ANK2: variants seen among roughly 807,000 people sequenced by gnomAD.
ANK2 encodes the protein ankyrin-2.
ANK2 carries 83 observed loss-of-function variants against 360.5 expected under a neutral mutation model. The observed-to-expected ratio is 0.23, with a 90% CI of 0.19 to 0.28. ANK2 has a LOEUF of 0.28. Ranked by LOEUF, ANK2 falls within the 10% of genes least tolerant of loss-of-function variation. The probability of loss-of-function intolerance (pLI) is 1.00; values close to 1 mark genes in which losing one functional copy is unlikely to be tolerated. For synonymous variants in ANK2, 1,740 were observed against 1,759.5 expected (o/e 0.99, Z 0.28); for missense variants, 4,201 against 4,795.7 (o/e 0.88, Z 3.66).
At position 113,358,431 on chromosome 4, in the gene ANK2, T is replaced by G; in HGVS notation, c.9813T>G (p.Asp3271Glu). Residue 3271 changes from aspartate (D) to glutamate (E), a missense_variant, in exon 38 of 46, where the codon GAT (aspartate) becomes GAG (glutamate). Physicochemically the swap from Asp to Glu is conservative, Grantham distance 45 (BLOSUM62 2). Around this residue, in one of 4 missense-constraint regions of ANK2, gnomAD observed 2,642 missense variants for 2,714.5 expected, o/e 0.97. Transcript: ENST00000357077. ...GGTCTGTTTATTCAGATAGGGGTGA[T>G]GATTCTCCCGATTCTTCCCCAGAAG... Reference protein sequence around the residue: ...LTRSVYSDRGDDSPDSSPEEQ... With the variant: ...LTRSVYSDRGEDSPDSSPEEQ... 6.2e-7 allele frequency: 1 copy of G among 1,614,124 alleles called. No homozygotes were observed. The highest frequency in any genetic ancestry group is 8.5e-7 in the Non-Finnish European group (1 of 1,179,966).
intron 23 of ANK2, among the ~76,000 whole-genome samples, chr4:113,307,847 C>T (rs890746735): frequency 1.2e-4 from 19 of 152,160 alleles, no homozygotes; most frequent in African/African-American, 4.6e-4. Flanking sequence ...TACACTGATG[C>T]TTTCCAGTTA....
At chr4:113,372,598 G>T (rs994240531) in intron 43 of ANK2, 4 of 1,535,904 alleles carry the variant, frequency 2.6e-6, no homozygotes, top group Non-Finnish European at 3.5e-6. Context: ...TAACTACCAG[G>T]GTTGTCCGCC....
Position 113,242,160 on chromosome 4 carries a change from TG to T in ANK2, c.844del (p.Val282Ter). On this transcript the variant is annotated frameshift_variant, in exon 9 of 46. Coordinates refer to ENST00000357077, the MANE Select transcript of ANK2 (RefSeq NM_001148.6). LOFTEE classifies it high-confidence loss of function. ...GCTTCCAAAAGAGGAAATACAAACA[TG>T]GTGAAGCTCTTACTGGATCGAGGCG... ...HVASKRGNTNMVKLLLDRGGQ... is the reference protein window; with the variant it reads ...HVASKRGNTNXVKLLLDRGGQ... 6.2e-7 allele frequency: 1 copy of T among 1,614,042 alleles called. No homozygotes were observed. The highest frequency in any genetic ancestry group is 8.5e-7 in the Non-Finnish European group (1 of 1,179,960).
intron 2 of ANK2, among the ~76,000 whole-genome samples, chr4:112,951,413 A>G (rs72892490): frequency 2.0e-5 from 3 of 152,222 alleles, no homozygotes; most frequent in Non-Finnish European, 4.4e-5. Flanking sequence ...GCTGGTATAA[A>G]AAAGGTTTTT....
chr4:113,211,804 C>T (rs1295103997), intron 4 of ANK2, among the ~76,000 whole-genome samples: 1 of 152,094 alleles, frequency 6.6e-6, no homozygotes, highest in Non-Finnish European at 1.5e-5. Flanking sequence ...TGAATATATT[C>T]TATTTTAAGC....
At chr4:113,141,494 G>T (rs747835264) in intron 1 of ANK2, 1 of 152,098 alleles carries the variant, frequency 6.6e-6, no homozygotes, top group East Asian at 1.9e-4. Flanking sequence ...AACAACCATC[G>T]AATCTAATTT....
intron 2 of ANK2, among the ~76,000 whole-genome samples, chr4:113,004,712 A>G (rs538250743): frequency 6.6e-6 from 1 of 152,348 alleles, no homozygotes; most frequent in East Asian, 1.9e-4. Flanking sequence ...CAAGTTTTAT[A>G]TACTGTACCT....
At position 113,062,173 on chromosome 4, in the gene ANK2, A is replaced by G. The variant is rs55701900; in HGVS notation, c.84+12361A>G. The stretch of plus-strand genomic sequence containing the variant: ...TTAGAAGCCATAAATTAAATTTCCA[A>G]ACATTCAAACAGGCTTCTTTCTCCC... On this transcript the variant is annotated intron_variant, in intron 1 of 45. Coordinates refer to ENST00000357077, the MANE Select transcript of ANK2 (RefSeq NM_001148.6). 3.8e-3 allele frequency among the ~76,000 whole-genome samples: 573 copies of G among 152,226 alleles called. 9 individuals are homozygous for G. The highest frequency in any genetic ancestry group is 0.013 in the African/African-American group (547 of 41,560).
intron 15 of ANK2, among the ~76,000 whole-genome samples, chr4:113,275,056 A>G (rs2059740451): frequency 6.6e-6 from 1 of 152,230 alleles, no homozygotes; most frequent in African/African-American, 2.4e-5. Context: ...GAGTTATAGT[A>G]CCAGATCGAA....
Position 112,996,057 on chromosome 4 carries a change from C to A in ANK2, c.21+91543C>A, listed in dbSNP as rs181047905. On this transcript the variant is annotated intron_variant, in intron 2 of 30. Coordinates refer to the ANK2 transcript ENST00000503271. ...ATAGCAACTTTATTTATAATAGCTC[C>A]AAATCGAAAACAACCCAAATGTCTA... Among the ~76,000 whole-genome samples, 237 of 152,226 alleles carry A rather than the reference C, an allele frequency of 1.6e-3. 1 individual carries two copies. The highest frequency in any genetic ancestry group is 5.5e-3 in the African/African-American group (230 of 41,544).
chr4:112,868,424 A>C (rs2071525709), intron 1 of ANK2, among the ~76,000 whole-genome samples: 1 of 152,250 alleles, frequency 6.6e-6, no homozygotes, highest in South Asian at 2.1e-4. Context: ...ACAGACAGAG[A>C]GCAAATGAGC....
chr4:112,742,634 A>C, the ANK2 span, among the ~76,000 whole-genome samples: 2 of 152,218 alleles, frequency 1.3e-5, no homozygotes, highest in East Asian at 1.9e-4. Context: ...AAACTGAAGA[A>C]AAGTCCCCTA....
At chr4:113,259,603 A>C (rs2051439968) in intron 13 of ANK2, among the ~76,000 whole-genome samples, 1 of 152,142 alleles carries the variant, frequency 6.6e-6, no homozygotes, top group African/African-American at 2.4e-5. Flanking sequence ...ATCATTGAAG[A>C]ATTTAAAGTC....
intron 32 of ANK2, among the ~76,000 whole-genome samples, chr4:113,341,281 T>A (rs1349034741): frequency 6.6e-6 from 1 of 152,106 alleles, no homozygotes; most frequent in Non-Finnish European, 1.5e-5. Flanking sequence ...GGAGGGGGGA[T>A]CAAGGAAAAT....
At chr4:113,097,864 G>GTATATATA (rs1369796742) in intron 1 of ANK2, among the ~76,000 whole-genome samples, 6 of 136,560 alleles carry the variant, frequency 4.4e-5, no homozygotes, top group African/African-American at 8.2e-5. Flanking sequence ...GTGTGTGTGT[G>GTATATATA]TGTATATATA....
At chr4:113,229,467 TA>T (rs1228972604) in intron 4 of ANK2, among the ~76,000 whole-genome samples, 6 of 152,194 alleles carry the variant, frequency 3.9e-5, no homozygotes, top group Admixed American at 3.9e-4. Flanking sequence ...TCAAAATTTT[TA>T]ACTTCACATC....
chr4:112,718,091 C>G, the ANK2 span, among the ~76,000 whole-genome samples: 4 of 152,208 alleles, frequency 2.6e-5, no homozygotes, highest in East Asian at 5.8e-4. Flanking sequence ...CCTGTTTCAG[C>G]AGAAGAATTA....
chr4:113,195,058 A>C (rs896977308), intron 2 of ANK2, among the ~76,000 whole-genome samples: 1 of 152,120 alleles, frequency 6.6e-6, no homozygotes, highest in African/African-American at 2.4e-5. Flanking sequence ...TCCCTCATAA[A>C]TTTACATTTC....
chr4:112,981,835 A>G (rs1011089845), intron 2 of ANK2, among the ~76,000 whole-genome samples: 5 of 152,206 alleles, frequency 3.3e-5, no homozygotes, highest in African/African-American at 1.2e-4. Flanking sequence ...TTTAAAACAA[A>G]TCCCCAAATT....
Sources: allele counts gnomAD v4.1 joint callset (sites outside exome capture counted in the v4.1 genomes callset), GRCh38; gene constraint gnomAD v4.1.1; regional missense constraint gnomAD v4.1.1; transcripts MANE v1.5; gene names NCBI Gene and HGNC (gene_info 2026-07-23, HGNC 2026-07-21).